VAV3: variants seen among roughly 807,000 people sequenced by gnomAD.
VAV3 encodes the protein guanine nucleotide exchange factor VAV3.
A neutral mutation model predicts 131.2 loss-of-function variants in VAV3; 94 were observed. That is an observed-to-expected ratio of 0.72 (90% CI 0.61 to 0.85). The LOEUF is 0.85. Among genes scored for constraint, VAV3 ranks in the 40% least tolerant of loss-of-function variants. VAV3 has a pLI of 0.00. For missense variants in VAV3, 939 were observed against 1,002.7 expected, an observed-to-expected ratio of 0.94 and a Z score of 0.86; for synonymous variants, 349 against 342.0, an observed-to-expected ratio of 1.02 and a Z score of -0.22.
intron 17 of VAV3, among the ~76,000 whole-genome samples, chr1:107,695,511 TTAAC>T (rs773761883): frequency 9.9e-5 from 15 of 152,104 alleles, no homozygotes; most frequent in Admixed American, 2.0e-4. Flanking sequence ...TGGTGGGCCT[TTAAC>T]TAAGACAAAG....
intron 19 of VAV3, chr1:107,669,566 G>A: frequency 8.4e-7 from 1 of 1,196,580 alleles, no homozygotes; most frequent in Non-Finnish European, 1.1e-6. Context: ...GGTAGCTGAT[G>A]GTTGTAAATA....
intron 1 of VAV3, among the ~76,000 whole-genome samples, chr1:107,924,490 G>C (rs941555651): frequency 6.6e-6 from 1 of 151,714 alleles, no homozygotes; most frequent in Non-Finnish European, 1.5e-5. Context: ...GGCCACATCA[G>C]CAAAAAGGAA....
In VAV3 at chr1:107,964,722, G is replaced by A. The variant is rs201435660; in HGVS notation, c.148C>T (p.Leu50Phe). The change falls in exon 1 of 27, where the codon CTC becomes TTC. Residue 50 changes from leucine to phenylalanine, a missense_variant. Transcript: ENST00000370056. Reference protein sequence around the residue: ...GVLLCQLLNNLRAHSINLKEI... With the variant: ...GVLLCQLLNNFRAHSINLKEI... ...TTCAGGTTGATGGAGTGCGCCCGGAGGTTGTTAAGCAGCTGGCAGAGCAGG... is the reference window on the plus strand; with the variant it reads ...TTCAGGTTGATGGAGTGCGCCCGGAAGTTGTTAAGCAGCTGGCAGAGCAGG... 1.2e-4 allele frequency: 196 copies of A among 1,614,152 alleles called. 1 individual carries two copies. In the East Asian group the frequency reaches 3.6e-3, roughly 30 times the overall value.
intron 15 of VAV3, among the ~76,000 whole-genome samples, chr1:107,723,123 T>C (rs566297476): frequency 6.6e-6 from 1 of 152,320 alleles, no homozygotes; most frequent in African/African-American, 2.4e-5. Context: ...CTCTTATTTG[T>C]ATTTTGTATC....
At chr1:107,825,947 A>G (rs1188778502) in intron 2 of VAV3, among the ~76,000 whole-genome samples, 1 of 152,184 alleles carries the variant, frequency 6.6e-6, no homozygotes, top group Non-Finnish European at 1.5e-5. Flanking sequence ...CAGTTAGGTT[A>G]TAGGCAACCT....
At chr1:107,919,046 T>C (rs181904735) in intron 1 of VAV3, among the ~76,000 whole-genome samples, 120 of 152,274 alleles carry the variant, frequency 7.9e-4, no homozygotes, top group African/African-American at 2.8e-3. Flanking sequence ...CCAATGTATG[T>C]TTTATTTACC....
chr1:107,830,661 C>T (rs180730500), intron 2 of VAV3, among the ~76,000 whole-genome samples: 1 of 152,102 alleles, frequency 6.6e-6, no homozygotes, highest in Admixed American at 6.5e-5. Context: ...ACCCTTCCAA[C>T]ATATCTTTGC....
intron 2 of VAV3, among the ~76,000 whole-genome samples, chr1:107,827,914 A>G (rs1668083975): frequency 6.6e-6 from 1 of 152,174 alleles, no homozygotes; most frequent in Admixed American, 6.6e-5. Context: ...CCTATTCTAG[A>G]CCAACTAGAG....
At chr1:107,941,017 G>C (rs1400883154) in intron 1 of VAV3, among the ~76,000 whole-genome samples, 1 of 151,092 alleles carries the variant, frequency 6.6e-6, no homozygotes, top group Non-Finnish European at 1.5e-5. Flanking sequence ...CCCTCAACTA[G>C]AAGAAATCTT....
At chr1:107,577,184 CTTAA>C (rs1649719033) in intron 25 of VAV3, among the ~76,000 whole-genome samples, 1 of 152,194 alleles carries the variant, frequency 6.6e-6, no homozygotes, top group African/African-American at 2.4e-5. Flanking sequence ...CAGTATTTCA[CTTAA>C]TTGTCACAGC....
intron 2 of VAV3, among the ~76,000 whole-genome samples, chr1:107,783,480 T>C (rs1253503735): frequency 1.3e-5 from 2 of 152,128 alleles, no homozygotes; most frequent in Non-Finnish European, 2.9e-5. Context: ...GAACCCAGGA[T>C]GACCTGGGCT....
intron 2 of VAV3, among the ~76,000 whole-genome samples, chr1:107,872,952 T>C (rs1408713060): frequency 6.6e-6 from 1 of 152,216 alleles, no homozygotes; most frequent in East Asian, 1.9e-4. Flanking sequence ...CTATTAGTAC[T>C]GGTAAATTAT....
At chr1:107,704,905 A>G (rs1434416311) in intron 16 of VAV3, 55 bp downstream of exon 16, 11 of 1,529,528 alleles carry the variant, frequency 7.2e-6, no homozygotes, top group Non-Finnish European at 7.2e-6. Flanking sequence ...AGTCTGAAAC[A>G]CTTAGCAATT....
At chr1:107,669,739 A>G (rs1657652813) in intron 19 of VAV3, among the ~76,000 whole-genome samples, 1 of 151,800 alleles carries the variant, frequency 6.6e-6, no homozygotes, top group Non-Finnish European at 1.5e-5. Flanking sequence ...GTGCTGTATT[A>G]CTCATGAATT....
intron 15 of VAV3, among the ~76,000 whole-genome samples, chr1:107,720,619 A>G (rs887043721): frequency 1.3e-5 from 2 of 152,182 alleles, no homozygotes; most frequent in African/African-American, 4.8e-5. Context: ...CAGAGGATGC[A>G]GTGAGCTGAG....
chr1:107,887,644 G>A (rs571246362), intron 1 of VAV3, among the ~76,000 whole-genome samples: 102 of 152,084 alleles, frequency 6.7e-4, no homozygotes, highest in African/African-American at 2.0e-3. Context: ...CAATGCATGC[G>A]TCTTAATTTT....
chr1:107,789,782 A>G (rs921271651), intron 2 of VAV3, among the ~76,000 whole-genome samples: 2 of 152,246 alleles, frequency 1.3e-5, no homozygotes, highest in Non-Finnish European at 2.9e-5. Flanking sequence ...TTAATTCAAG[A>G]TACCTAGAAT....
At chr1:107,576,490 G>A in intron 25 of VAV3, 1 of 1,492,472 alleles carries the variant, frequency 6.7e-7, no homozygotes, top group Non-Finnish European at 8.8e-7. Context: ...GAGAAAGAAA[G>A]AAAAAGAGAG....
chr1:107,826,936 T>C (rs533436663), intron 2 of VAV3, among the ~76,000 whole-genome samples: 3 of 152,318 alleles, frequency 2.0e-5, no homozygotes, highest in African/African-American at 7.2e-5. Flanking sequence ...CAGTTTTTTA[T>C]ATTAAAAAGA....
Sources: allele counts gnomAD v4.1 joint callset (sites outside exome capture counted in the v4.1 genomes callset), GRCh38; gene constraint gnomAD v4.1.1; transcripts MANE v1.5; gene names NCBI Gene and HGNC (gene_info 2026-07-23, HGNC 2026-07-21).